Variants in SNTG1 observed in about 807,000 individuals in gnomAD.
The protein encoded by SNTG1 is syntrophin gamma 1.
In SNTG1, 39 loss-of-function variants were observed where a neutral mutation model predicts 74.7. That is an observed-to-expected ratio of 0.52 (90% CI 0.40 to 0.68). SNTG1 has a LOEUF of 0.68. Ranked by LOEUF, SNTG1 falls within the 30% of genes least tolerant of loss-of-function variation. SNTG1 has a pLI of 0.00. For missense variants in SNTG1, 685 were observed against 609.5 expected (o/e 1.12, Z -1.30); for synonymous variants, 254 against 217.1 (o/e 1.17, Z -1.49).
intron 1 of SNTG1, among the ~76,000 whole-genome samples, chr8:49,996,712 C>A (rs1428549265): frequency 6.6e-6 from 1 of 152,004 alleles, no homozygotes; most frequent in Non-Finnish European, 1.5e-5. Context: ...TACTTTGTCC[C>A]ATCAAAAGGG....
At chr8:49,968,820 C>T (rs1259697075) in intron 1 of SNTG1, among the ~76,000 whole-genome samples, 2 of 152,072 alleles carry the variant, frequency 1.3e-5, no homozygotes, top group Non-Finnish European at 2.9e-5. Flanking sequence ...TCCAGAGTTC[C>T]AGAAAACCAA....
At chr8:50,017,808 A>T (rs1396959701) in intron 1 of SNTG1, among the ~76,000 whole-genome samples, 2 of 152,028 alleles carry the variant, frequency 1.3e-5, no homozygotes, top group Non-Finnish European at 2.9e-5. Flanking sequence ...AGAGAACTAA[A>T]CAATTTATTT....
chr8:50,516,458 C>T (rs1018508599), intron 9 of SNTG1, among the ~76,000 whole-genome samples: 3 of 151,696 alleles, frequency 2.0e-5, no homozygotes, highest in African/African-American at 4.8e-5. Context: ...GATGAATTGA[C>T]AGTAGTAGTC....
chr8:50,093,021 A>G (rs2079796648), intron 1 of SNTG1, among the ~76,000 whole-genome samples: 1 of 152,134 alleles, frequency 6.6e-6, no homozygotes, highest in Non-Finnish European at 1.5e-5. Context: ...TCAAGAGCAA[A>G]TAATATTAAC....
At chr8:50,731,264 A>G (rs527820773) in intron 17 of SNTG1, among the ~76,000 whole-genome samples, 3 of 152,216 alleles carry the variant, frequency 2.0e-5, no homozygotes, top group African/African-American at 7.2e-5. Flanking sequence ...GGAGATAAAC[A>G]GGAGAGAGTG....
intron 2 of SNTG1, among the ~76,000 whole-genome samples, chr8:50,175,160 C>T (rs1022307313): frequency 3.9e-5 from 6 of 152,082 alleles, no homozygotes; most frequent in African/African-American, 9.7e-5. Context: ...GTGAATAGTG[C>T]CGCAATAAAC....
At chr8:50,625,912 C>T (rs960774103) in intron 13 of SNTG1, among the ~76,000 whole-genome samples, 5 of 152,124 alleles carry the variant, frequency 3.3e-5, no homozygotes, top group Non-Finnish European at 7.4e-5. Context: ...ATTTTTAAAA[C>T]TCCTTTTGGA....
intron 4 of SNTG1, among the ~76,000 whole-genome samples, chr8:50,409,602 C>T (rs1388750614): frequency 1.3e-5 from 2 of 152,092 alleles, no homozygotes; most frequent in Non-Finnish European, 2.9e-5. Flanking sequence ...AATCATCTTC[C>T]CCTGGTGCTC....
chr8:49,974,980 GCA>G (rs1812057334), intron 1 of SNTG1, among the ~76,000 whole-genome samples: 1 of 152,022 alleles, frequency 6.6e-6, no homozygotes, highest in Non-Finnish European at 1.5e-5. Context: ...CATGGAGAGT[GCA>G]CAGGTCCAGG....
intron 2 of SNTG1, among the ~76,000 whole-genome samples, chr8:50,270,514 T>C (rs2087724092): frequency 1.3e-5 from 2 of 152,182 alleles, no homozygotes; most frequent in African/African-American, 4.8e-5. Flanking sequence ...AGGTATCTCA[T>C]AATTTTGCTG....
intron 1 of SNTG1, among the ~76,000 whole-genome samples, chr8:50,143,923 T>C (rs2081765324): frequency 6.6e-6 from 1 of 152,166 alleles, no homozygotes; most frequent in African/African-American, 2.4e-5. Context: ...TTAGAATTCC[T>C]TTTAACATGA....
chr8:50,398,351 C>T (rs2092755405), intron 3 of SNTG1, among the ~76,000 whole-genome samples: 1 of 152,212 alleles, frequency 6.6e-6, no homozygotes, highest in African/African-American at 2.4e-5. Context: ...TGCAGCGGCC[C>T]CTGCTGGACC....
At chr8:50,001,708 A>G (rs1282736318) in intron 1 of SNTG1, among the ~76,000 whole-genome samples, 4 of 152,186 alleles carry the variant, frequency 2.6e-5, no homozygotes, top group African/African-American at 9.6e-5. Flanking sequence ...GTGCACCAAT[A>G]ACTTCCCTCT....
chr8:50,362,541 G>C (rs1357434922), intron 2 of SNTG1, among the ~76,000 whole-genome samples: 1 of 151,440 alleles, frequency 6.6e-6, no homozygotes, highest in Non-Finnish European at 1.5e-5. Flanking sequence ...AAAATATATA[G>C]GAATGATTTA....
chr8:50,236,483 C>T (rs951325924), intron 2 of SNTG1, among the ~76,000 whole-genome samples: 2 of 145,468 alleles, frequency 1.4e-5, no homozygotes, highest in African/African-American at 5.0e-5. Context: ...CGCAGTCTCG[C>T]TCTTTAGGCC....
At chr8:50,463,522 G>A (rs1177322032) in intron 8 of SNTG1, among the ~76,000 whole-genome samples, 2 of 152,158 alleles carry the variant, frequency 1.3e-5, no homozygotes, top group Non-Finnish European at 2.9e-5. Context: ...TGGGCGAGCA[G>A]GTGAATTGTC....
At chr8:50,761,562 T>C (rs763289591) in intron 18 of SNTG1, among the ~76,000 whole-genome samples, 6 of 151,640 alleles carry the variant, frequency 4.0e-5, no homozygotes, top group Non-Finnish European at 8.8e-5. Flanking sequence ...CTAGTTTCTC[T>C]TGAGGGCAGG....
At chr8:50,538,864 A>T (rs1237299332) in intron 11 of SNTG1, among the ~76,000 whole-genome samples, 7 of 152,096 alleles carry the variant, frequency 4.6e-5, no homozygotes, top group South Asian at 4.1e-4. Flanking sequence ...GAAACTTTTT[A>T]AAAAATCTGT....
intron 1 of SNTG1, among the ~76,000 whole-genome samples, chr8:50,060,363 C>T (rs548159563): frequency 1.3e-5 from 2 of 152,092 alleles, no homozygotes; most frequent in East Asian, 3.9e-4. Context: ...AAGTTTTTAA[C>T]TTTTGATGAA....
Sources: allele counts gnomAD v4.1 joint callset (sites outside exome capture counted in the v4.1 genomes callset), GRCh38; gene constraint gnomAD v4.1.1; transcripts MANE v1.5; gene names NCBI Gene and HGNC (gene_info 2026-07-23, HGNC 2026-07-21).